FHIP1A: variants seen among roughly 807,000 people sequenced by gnomAD.
FHIP1A encodes FHF complex subunit HOOK interacting protein 1A.
In FHIP1A, 61 loss-of-function variants were observed where a neutral mutation model predicts 88.6. That is an observed-to-expected ratio of 0.69 (90% confidence interval 0.56 to 0.85). The LOEUF is 0.85. Among genes scored for constraint, FHIP1A ranks in the 40% least tolerant of loss-of-function variants. FHIP1A has a pLI of 0.00. For synonymous variants in FHIP1A, 478 were observed against 496.0 expected, an observed-to-expected ratio of 0.96 and a Z score of 0.48; for missense variants, 1,154 against 1,273.5, an observed-to-expected ratio of 0.91 and a Z score of 1.43.
chr4:151,440,526 A>AC (rs1449386207), intron 1 of FHIP1A, among the ~76,000 whole-genome samples: 1 of 152,000 alleles, frequency 6.6e-6, no homozygotes, highest in Non-Finnish European at 1.5e-5. Context: ...CAATGACACT[A>AC]CCTCCATGTT....
At chr4:151,430,076 G>A (rs1171893265) in intron 1 of FHIP1A, among the ~76,000 whole-genome samples, 1 of 152,126 alleles carries the variant, frequency 6.6e-6, no homozygotes, top group East Asian at 1.9e-4. Flanking sequence ...CTTTGAAGAG[G>A]CTAATGCTCC....
intron 1 of FHIP1A, chr4:151,436,394 A>G (rs1728200046): frequency 6.6e-6 from 1 of 152,184 alleles, no homozygotes; most frequent in South Asian, 2.1e-4. Flanking sequence ...GTGGACACTG[A>G]ATCTTAAAAC....
At chr4:151,621,873 T>C (rs1368604629) in intron 7 of FHIP1A, among the ~76,000 whole-genome samples, 2 of 152,170 alleles carry the variant, frequency 1.3e-5, no homozygotes, top group Admixed American at 1.3e-4. Flanking sequence ...CTCTGCATTT[T>C]CAATGAAATG....
chr4:151,450,852 A>G (rs1270548141), intron 1 of FHIP1A, among the ~76,000 whole-genome samples: 1 of 151,902 alleles, frequency 6.6e-6, no homozygotes, highest in Admixed American at 6.6e-5. Flanking sequence ...ATCTCAGCTC[A>G]CTGCAACTTC....
chr4:151,623,521 C>CCT (rs1735828675), intron 7 of FHIP1A, among the ~76,000 whole-genome samples: 1 of 88,222 alleles, frequency 1.1e-5, no homozygotes, highest in Non-Finnish European at 2.2e-5. Context: ...CTTCCTGGTC[C>CCT]TTTTTTTTTT....
At chr4:151,586,830 T>C (rs1408233573) in intron 6 of FHIP1A, 31 bp downstream of exon 6, 1 of 1,493,262 alleles carries the variant, frequency 6.7e-7, no homozygotes, top group African/African-American at 1.4e-5. Context: ...ATCCCTTTGC[T>C]ATGGCTTCAT....
intron 1 of FHIP1A, among the ~76,000 whole-genome samples, chr4:151,439,834 A>G (rs1191279250): frequency 6.6e-6 from 1 of 152,162 alleles, no homozygotes; most frequent in Non-Finnish European, 1.5e-5. Flanking sequence ...TTGTTTTCTT[A>G]TAAATTACTA....
intron 11 of FHIP1A, among the ~76,000 whole-genome samples, chr4:151,654,255 G>A (rs1737146075): frequency 1.3e-5 from 2 of 151,932 alleles, no homozygotes; most frequent in African/African-American, 4.8e-5. Context: ...ATGATATTCC[G>A]TCATTCACCT....
chr4:151,669,403 C>T lies in FHIP1A; in HGVS notation c.*6649C>T, dbSNP rs1737780934. ...TTTGGTAAATGTCTTTTTCTGGCTGCACCCCCTTTTAAGTAAGCCTTTAAT... is the reference window on the plus strand; with the variant it reads ...TTTGGTAAATGTCTTTTTCTGGCTGTACCCCCTTTTAAGTAAGCCTTTAAT... On this transcript the variant is annotated 3_prime_UTR_variant, in exon 14 of 14. Transcript: ENST00000435205. Among the ~76,000 whole-genome samples the T allele has an allele frequency of 6.6e-6, 1 of 152,252 alleles. No individual in the cohort carries two copies. The highest frequency in any genetic ancestry group is 1.5e-5 in the Non-Finnish European group (1 of 68,040).
chr4:151,623,560 T>A (rs1468877573), intron 7 of FHIP1A, among the ~76,000 whole-genome samples: 1 of 150,978 alleles, frequency 6.6e-6, no homozygotes, highest in African/African-American at 2.4e-5. Context: ...ATTTGGCTTA[T>A]TTTAAACTGA....
At chr4:151,497,300 A>G (rs1340315853) in intron 3 of FHIP1A, among the ~76,000 whole-genome samples, 2 of 152,204 alleles carry the variant, frequency 1.3e-5, no homozygotes, top group African/African-American at 4.8e-5. Context: ...TCTATATGCC[A>G]TCTATATTTA....
chr4:151,587,731 C>T (rs1184063932), intron 6 of FHIP1A, among the ~76,000 whole-genome samples: 1 of 151,920 alleles, frequency 6.6e-6, no homozygotes, highest in Non-Finnish European at 1.5e-5. Context: ...AAAGAAATAG[C>T]TTCTGGAAGA....
intron 3 of FHIP1A, among the ~76,000 whole-genome samples, chr4:151,557,396 T>C (rs1732990523): frequency 6.6e-6 from 1 of 152,230 alleles, no homozygotes; most frequent in Non-Finnish European, 1.5e-5. Context: ...AGAATAGTCT[T>C]TGATTTTTCT....
In FHIP1A at chr4:151,588,944, G is replaced by A; in HGVS notation, c.978+18G>A. 1 of 1,447,358 alleles carries A rather than the reference G, an allele frequency of 6.9e-7. No homozygotes were observed. Among genetic ancestry groups the A allele is most frequent in the South Asian group, 1.2e-5 (1 of 81,870 alleles). The allele number at this position is 1,447,358 out of a possible 1,614,324, so 89.7% of individuals were successfully genotyped here. ...TCCATAAGGTCAGTGATTGGCTCATGTAATCTTCTGTCTCTATAATACAAG... is the reference window on the plus strand; with the variant it reads ...TCCATAAGGTCAGTGATTGGCTCATATAATCTTCTGTCTCTATAATACAAG... On this transcript the variant is annotated intron_variant, in intron 7 of 13. Coordinates refer to ENST00000435205, the MANE Select transcript of FHIP1A (RefSeq NM_001109977.3).
chr4:151,659,612 C>G (rs1037696693), intron 13 of FHIP1A, among the ~76,000 whole-genome samples: 1 of 152,230 alleles, frequency 6.6e-6, no homozygotes, highest in Non-Finnish European at 1.5e-5. Flanking sequence ...GGCAACATTT[C>G]AGAAGCCATT....
chr4:151,452,621 A>T (rs1580582453), intron 1 of FHIP1A, among the ~76,000 whole-genome samples: 2 of 152,092 alleles, frequency 1.3e-5, no homozygotes, highest in Non-Finnish European at 2.9e-5. Context: ...ATAGATGTAT[A>T]TATAAACTAG....
chr4:151,655,426 C>T (rs1235318745), intron 11 of FHIP1A, among the ~76,000 whole-genome samples: 2 of 152,072 alleles, frequency 1.3e-5, no homozygotes, highest in Non-Finnish European at 2.9e-5. Flanking sequence ...CTTAATGGAC[C>T]GCTTTTGTAT....
chr4:151,563,797 C>G (rs972838253), intron 3 of FHIP1A, among the ~76,000 whole-genome samples: 1 of 151,806 alleles, frequency 6.6e-6, no homozygotes, highest in Admixed American at 6.6e-5. Flanking sequence ...CGAGACCAGC[C>G]TGGGCAACAT....
chr4:151,598,139 G>C (rs1208392054), intron 7 of FHIP1A, among the ~76,000 whole-genome samples: 1 of 152,150 alleles, frequency 6.6e-6, no homozygotes, highest in Non-Finnish European at 1.5e-5. Flanking sequence ...CCAGTTTTGT[G>C]CTGGAAACCC....
Sources: allele counts gnomAD v4.1 joint callset (sites outside exome capture counted in the v4.1 genomes callset), GRCh38; gene constraint gnomAD v4.1.1; transcripts MANE v1.5; gene names NCBI Gene and HGNC (gene_info 2026-07-23, HGNC 2026-07-21).